The following ZNF407 variants were observed in gnomAD, a reference collection of about 807,000 sequenced individuals.
ZNF407 encodes zinc finger protein 407.
Under a neutral mutation model 131.2 loss-of-function variants are expected in ZNF407, and 17 were observed. That is an observed-to-expected ratio of 0.13 (90% confidence interval 0.09 to 0.19). The LOEUF (loss-of-function observed/expected upper bound fraction) is 0.19. ZNF407 is among the 10% of genes least tolerant of loss of function. The pLI, the probability that ZNF407 is intolerant of heterozygous loss-of-function variation, is 1.00. For missense variants in ZNF407, 2,681 were observed against 2,830.6 expected (o/e 0.95, Z 1.20); for synonymous variants, 1,156 against 1,062.0 (o/e 1.09, Z -1.72).
intron 3 of ZNF407, among the ~76,000 whole-genome samples, chr18:74,778,966 G>C (rs200580621): frequency 1.3e-5 from 2 of 151,078 alleles, no homozygotes; most frequent in East Asian, 3.9e-4. Context: ...TAAAAGTTAT[G>C]TTAAAAATGT....
At chr18:75,018,746 C>T (rs1973073439) in intron 8 of ZNF407, among the ~76,000 whole-genome samples, 1 of 151,922 alleles carries the variant, frequency 6.6e-6, no homozygotes, top group African/African-American at 2.4e-5. Context: ...CAGTGAAATG[C>T]AGGAATAAAT....
Position 74,632,183 on chromosome 18 carries a change from A to C in ZNF407, c.1164A>C (p.Ser388=). The C allele has an allele frequency of 6.2e-7, 1 of 1,614,006 alleles. No homozygotes were observed. The highest frequency in any genetic ancestry group is 8.5e-7 in the Non-Finnish European group (1 of 1,179,892). Residue 388 remains serine (S), a synonymous_variant, in exon 2 of 9, where the codon TCA becomes TCC. Transcript: ENST00000299687. The part of the protein sequence containing the change: ...QSRKLDTLVT[S]EGLLEKLEST... Reference sequence around the variant, plus strand: ...GAAAGCTAGACACCTTAGTAACCTCAGAGGGTCTCTTAGAGAAATTGGAAT... The same window carrying C: ...GAAAGCTAGACACCTTAGTAACCTCCGAGGGTCTCTTAGAGAAATTGGAAT...
chr18:74,907,990 G>A (rs1471507082), intron 7 of ZNF407, among the ~76,000 whole-genome samples: 1 of 152,010 alleles, frequency 6.6e-6, no homozygotes, highest in Non-Finnish European at 1.5e-5. Flanking sequence ...ACTGTGTAAT[G>A]ATTACATAAC....
chr18:74,820,213 C>T (rs758860598), intron 4 of ZNF407, among the ~76,000 whole-genome samples: 7 of 152,162 alleles, frequency 4.6e-5, no homozygotes, highest in African/African-American at 9.7e-5. Flanking sequence ...GGGAGGTTTG[C>T]GTGTGCACAA....
At chr18:74,938,530 T>G (rs959793581) in intron 8 of ZNF407, among the ~76,000 whole-genome samples, 5 of 152,236 alleles carry the variant, frequency 3.3e-5, no homozygotes, top group Non-Finnish European at 7.3e-5. Flanking sequence ...TTTTAAAATT[T>G]TATCCATTTA....
chr18:74,689,709 A>G (rs750336698), intron 3 of ZNF407, among the ~76,000 whole-genome samples: 11 of 152,232 alleles, frequency 7.2e-5, no homozygotes, highest in Non-Finnish European at 1.5e-4. Context: ...GGCTTGCCTC[A>G]GGAGCTGAAG....
At chr18:74,753,267 CTTAAG>C (rs200806632) in intron 3 of ZNF407, among the ~76,000 whole-genome samples, 2,734 of 150,244 alleles carry the variant, frequency 0.018, 36 homozygotes, top group Non-Finnish European at 0.03. Flanking sequence ...TGCTTATCAG[CTTAAG>C]TTTTCTAAAT....
intron 8 of ZNF407, among the ~76,000 whole-genome samples, chr18:74,982,656 A>G (rs1400299147): frequency 6.6e-6 from 1 of 152,242 alleles, no homozygotes; most frequent in Non-Finnish European, 1.5e-5. Context: ...TCACTGTCTT[A>G]GGAGCGTCAC....
At chr18:74,804,556 G>A in intron 4 of ZNF407, 1 of 986,500 alleles carries the variant, frequency 1.0e-6, no homozygotes, top group Non-Finnish European at 1.2e-6. Context: ...GTTTGTATGT[G>A]GAGAGGATAT....
chr18:74,918,077 C>T (rs1016306374), intron 7 of ZNF407, among the ~76,000 whole-genome samples: 3 of 152,164 alleles, frequency 2.0e-5, no homozygotes, highest in African/African-American at 4.8e-5. Context: ...TTTTAACTGT[C>T]ATAAAAGTGG....
intron 3 of ZNF407, among the ~76,000 whole-genome samples, chr18:74,774,290 T>C (rs1187895556): frequency 1.3e-5 from 2 of 152,202 alleles, no homozygotes; most frequent in Non-Finnish European, 2.9e-5. Flanking sequence ...ATTGGTATTT[T>C]GTAGCCTTCA....
intron 4 of ZNF407, among the ~76,000 whole-genome samples, chr18:74,830,916 C>T (rs907638279): frequency 1.3e-5 from 2 of 152,156 alleles, no homozygotes; most frequent in African/African-American, 4.8e-5. Context: ...CCCTATCCCT[C>T]CCTTCCCCCT....
At chr18:74,833,920 GAGAAGCCTTT>G (rs1568234781) in intron 4 of ZNF407, among the ~76,000 whole-genome samples, 2 of 152,150 alleles carry the variant, frequency 1.3e-5, no homozygotes, top group African/African-American at 4.8e-5. Context: ...ACTTAGTACT[GAGAAGCCTTT>G]TAGACACCAG....
In ZNF407 at chr18:74,919,940, C is replaced by A. The variant is rs114884704; in HGVS notation, c.5250-574C>A. On this transcript the variant is annotated intron_variant, in intron 7 of 8. Coordinates refer to ENST00000299687, the MANE Select transcript of ZNF407 (RefSeq NM_017757.3). ...CCCTCCGTTGCATTTTCCATGCCAT[C>A]ACTCTTATCACTCTTAAAAGCCTGT... 6.2e-3 allele frequency among the ~76,000 whole-genome samples: 951 copies of A among 152,256 alleles called. 10 individuals carry two copies. Among genetic ancestry groups the A allele is most frequent in the African/African-American group, 0.022 (908 of 41,538 alleles).
At chr18:74,768,204 T>A (rs1355606366) in intron 3 of ZNF407, among the ~76,000 whole-genome samples, 1 of 152,148 alleles carries the variant, frequency 6.6e-6, no homozygotes, top group Non-Finnish European at 1.5e-5. Flanking sequence ...TTGGCACATC[T>A]CGCCTGCAAG....
intron 7 of ZNF407, chr18:74,905,662 G>A (rs1290646892): frequency 6.6e-6 from 1 of 152,200 alleles, no homozygotes; most frequent in African/African-American, 2.4e-5. Context: ...ACTGAGAAAT[G>A]GAGAGAAAAA....
chr18:74,649,208 A>AGCTGGGCTCAAGGG, intron 3 of ZNF407, among the ~76,000 whole-genome samples: 1 of 152,354 alleles, frequency 6.6e-6, no homozygotes, highest in Admixed American at 6.5e-5. Context: ...GAATATATTG[A>AGCTGGGCTCAAGGG]GCTGGGCTCA....
At chr18:74,636,093 G>A (rs150332659) in intron 2 of ZNF407, among the ~76,000 whole-genome samples, 6 of 152,226 alleles carry the variant, frequency 3.9e-5, no homozygotes, top group African/African-American at 1.4e-4. Context: ...TTTAAGGAAT[G>A]GAGTAATCAA....
At chr18:74,728,711 A>G (rs1043269172) in intron 3 of ZNF407, among the ~76,000 whole-genome samples, 1 of 152,088 alleles carries the variant, frequency 6.6e-6, no homozygotes, top group African/African-American at 2.4e-5. Context: ...ACTCTCTTAG[A>G]TGGTGGCGGA....
Sources: gnomAD v4.1 joint callset for allele counts (sites outside exome capture counted in the v4.1 genomes callset) on GRCh38, gnomAD v4.1.1 for gene constraint, MANE v1.5 for transcripts, NCBI Gene and HGNC (gene_info 2026-07-23, HGNC 2026-07-21) for gene names.